The following MACROD2 variants were observed in gnomAD, a reference collection of about 807,000 sequenced individuals.
MACROD2 encodes mono-ADP ribosylhydrolase 2, also known as ADP-ribose glycohydrolase MACROD2.
In MACROD2, 36 loss-of-function variants were observed where a neutral mutation model predicts 70.4. The ratio of observed to expected loss-of-function variants is 0.51; its 90% CI spans 0.39 to 0.68. The LOEUF (loss-of-function observed/expected upper bound fraction) is 0.68. MACROD2 is among the 30% of genes least tolerant of loss of function. MACROD2 has a pLI of 0.00. For synonymous variants in MACROD2, 172 were observed against 178.8 expected (o/e 0.96, Z 0.30); for missense variants, 496 against 538.4 (o/e 0.92, Z 0.78).
chr20:14,348,767 G>T (rs2083090347), intron 3 of MACROD2, among the ~76,000 whole-genome samples: 1 of 152,118 alleles, frequency 6.6e-6, no homozygotes, highest in Admixed American at 6.5e-5. Flanking sequence ...TTAACTGTAA[G>T]AAATGAACTG....
intron 8 of MACROD2, among the ~76,000 whole-genome samples, chr20:15,636,996 A>C (rs951216853): frequency 6.6e-6 from 1 of 152,216 alleles, no homozygotes; most frequent in African/African-American, 2.4e-5. Flanking sequence ...TGTTTTGTGC[A>C]AAGGTGTGCT....
At chr20:16,034,234 C>T (rs1221831785) in intron 15 of MACROD2, among the ~76,000 whole-genome samples, 1 of 151,938 alleles carries the variant, frequency 6.6e-6, no homozygotes, top group Non-Finnish European at 1.5e-5. Context: ...ATGCTGTTGA[C>T]TTCATTATAA....
At chr20:15,699,063 A>G (rs1003600974) in intron 8 of MACROD2, among the ~76,000 whole-genome samples, 1 of 151,802 alleles carries the variant, frequency 6.6e-6, no homozygotes, top group East Asian at 1.9e-4. Context: ...ATTAACCTCC[A>G]GGATTCTTTT....
intron 4 of MACROD2, among the ~76,000 whole-genome samples, chr20:14,604,902 A>G (rs1982708996): frequency 6.6e-6 from 1 of 152,184 alleles, no homozygotes; most frequent in African/African-American, 2.4e-5. Context: ...AAATGTCTTT[A>G]TGTATGGAAA....
intron 5 of MACROD2, among the ~76,000 whole-genome samples, chr20:14,889,302 C>G (rs912035586): frequency 1.3e-5 from 2 of 151,930 alleles, no homozygotes; most frequent in African/African-American, 4.8e-5. Context: ...CCTCATGAAA[C>G]TTATATTTTA....
chr20:14,055,082 G>C (rs1475739957), intron 2 of MACROD2, among the ~76,000 whole-genome samples: 1 of 152,076 alleles, frequency 6.6e-6, no homozygotes, highest in African/African-American at 2.4e-5. Context: ...ATTAGATTTT[G>C]TATTTATGGA....
intron 6 of MACROD2, among the ~76,000 whole-genome samples, chr20:15,241,212 T>C (rs2077057205): frequency 6.6e-6 from 1 of 152,230 alleles, no homozygotes; most frequent in Non-Finnish European, 1.5e-5. Context: ...GTAGATTACA[T>C]AGCTTATTAA....
intron 8 of MACROD2, among the ~76,000 whole-genome samples, chr20:15,623,313 C>T (rs1375121374): frequency 6.6e-6 from 1 of 152,188 alleles, no homozygotes; most frequent in Non-Finnish European, 1.5e-5. Context: ...GAAACATATC[C>T]ACCAAGTATG....
chr20:15,671,079 T>C (rs1047194487), intron 8 of MACROD2, among the ~76,000 whole-genome samples: 27 of 152,222 alleles, frequency 1.8e-4, no homozygotes, highest in African/African-American at 6.0e-4. Flanking sequence ...CTGCCTGGGC[T>C]CTATCATGCA....
chr20:15,273,128 G>C (rs767109935), intron 6 of MACROD2, among the ~76,000 whole-genome samples: 1 of 152,154 alleles, frequency 6.6e-6, no homozygotes, highest in Non-Finnish European at 1.5e-5. Flanking sequence ...TGCCAAAAGA[G>C]ATTAACATTT....
At chr20:15,302,361 T>TA (rs1568706060) in intron 6 of MACROD2, among the ~76,000 whole-genome samples, 21 of 136,642 alleles carry the variant, frequency 1.5e-4, no homozygotes, top group African/African-American at 6.6e-4. Flanking sequence ...GCAGATAAAA[T>TA]ACACACACAC....
At chr20:15,797,036 A>G (rs2063679987) in intron 8 of MACROD2, among the ~76,000 whole-genome samples, 1 of 152,186 alleles carries the variant, frequency 6.6e-6, no homozygotes, top group Non-Finnish European at 1.5e-5. Context: ...GTGCTCAAAA[A>G]TGTCCTTGAG....
At chr20:15,540,902 T>A (rs1018369653) in intron 8 of MACROD2, among the ~76,000 whole-genome samples, 7 of 152,230 alleles carry the variant, frequency 4.6e-5, no homozygotes, top group Admixed American at 4.6e-4. Context: ...AATTTCTCCT[T>A]TTCTAGAGAT....
chr20:15,865,614 C>T (rs1294824738), intron 9 of MACROD2, among the ~76,000 whole-genome samples: 1 of 152,104 alleles, frequency 6.6e-6, no homozygotes, highest in South Asian at 2.1e-4. Context: ...AGTCACTCTC[C>T]AGGAAAGCTT....
intron 5 of MACROD2, among the ~76,000 whole-genome samples, chr20:14,751,870 C>T (rs1421399930): frequency 2.6e-5 from 4 of 152,050 alleles, no homozygotes; most frequent in Non-Finnish European, 4.4e-5. Context: ...AGGGGAAGAA[C>T]TGGGGCCAAG....
chr20:14,704,920 T>C lies in MACROD2; in HGVS notation c.418+19961T>C, dbSNP rs372186842. 5.3e-5 allele frequency among the ~76,000 whole-genome samples: 8 copies of C among 152,030 alleles called. No individual in the cohort carries two copies. The East Asian group carries it at 1.4e-3, about 26-fold the overall frequency. ...GCTAGGTGTTAGCTGTTACTTCCTA[T>C]GGAGGAAGGGGCAAGGAACCTCTCT... is the stretch of plus-strand genomic sequence containing the variant. On this transcript the variant is annotated intron_variant, in intron 5 of 17. Transcript: ENST00000684519.
At chr20:15,190,600 G>A (rs1246731301) in intron 5 of MACROD2, among the ~76,000 whole-genome samples, 4 of 152,196 alleles carry the variant, frequency 2.6e-5, no homozygotes, top group Non-Finnish European at 5.9e-5. Flanking sequence ...AGGCCAACAG[G>A]TCAGGAGGTA....
intron 5 of MACROD2, among the ~76,000 whole-genome samples, chr20:14,884,020 G>A (rs1203367798): frequency 6.6e-6 from 1 of 152,132 alleles, no homozygotes; most frequent in Non-Finnish European, 1.5e-5. Context: ...TGGTTAGTTT[G>A]GATCAGAATT....
At chr20:15,389,499 G>C (rs183898106) in intron 6 of MACROD2, among the ~76,000 whole-genome samples, 41 of 152,306 alleles carry the variant, frequency 2.7e-4, no homozygotes, top group African/African-American at 9.4e-4. Flanking sequence ...ATTTTCCCTG[G>C]AAAAGTAATA....
Sources: gnomAD v4.1 joint callset for allele counts (sites outside exome capture counted in the v4.1 genomes callset) on GRCh38, gnomAD v4.1.1 for gene constraint, MANE v1.5 for transcripts, NCBI Gene and HGNC (gene_info 2026-07-23, HGNC 2026-07-21) for gene names.